The following TAOK3 variants were observed in gnomAD, a reference collection of about 807,000 sequenced individuals.
TAOK3 encodes serine/threonine-protein kinase TAO3.
In TAOK3, 40 loss-of-function variants were observed where a neutral mutation model predicts 120.4. That is an observed-to-expected ratio of 0.33 (90% confidence interval 0.26 to 0.43). The LOEUF (loss-of-function observed/expected upper bound fraction) is 0.43. Among genes scored for constraint, TAOK3 ranks in the 20% least tolerant of loss-of-function variants. The pLI is 1.00. For missense variants in TAOK3, 821 were observed against 1,112.1 expected, an observed-to-expected ratio of 0.74 and a Z score of 3.72; for synonymous variants, 355 against 387.5, an observed-to-expected ratio of 0.92 and a Z score of 0.99.
intron 1 of TAOK3, among the ~76,000 whole-genome samples, chr12:118,304,251 G>A (rs2042973678): frequency 6.6e-6 from 1 of 152,134 alleles, no homozygotes; most frequent in Non-Finnish European, 1.5e-5. Context: ...AAATTCCACT[G>A]AAGAAAACTA....
chr12:118,195,538 C>T (rs1482909994), intron 13 of TAOK3, among the ~76,000 whole-genome samples: 1 of 151,988 alleles, frequency 6.6e-6, no homozygotes, highest in African/African-American at 2.4e-5. Flanking sequence ...CAATTTAGTT[C>T]ACAGAACATT....
At chr12:118,183,523 C>T (rs980086898) in intron 14 of TAOK3, among the ~76,000 whole-genome samples, 2 of 152,034 alleles carry the variant, frequency 1.3e-5, no homozygotes, top group East Asian at 3.9e-4. Context: ...AATAAATGAT[C>T]TATTTTATTA....
intron 19 of TAOK3, among the ~76,000 whole-genome samples, chr12:118,159,347 G>A (rs2035063109): frequency 6.9e-6 from 1 of 145,348 alleles, no homozygotes; most frequent in African/African-American, 2.6e-5. Context: ...GTCTTGCTCT[G>A]TCACCCAGGC....
rs577638678 is a variant in TAOK3 at position 118,252,886 on chromosome 12, C to A, written c.120+2562G>T. ...AAGTACAGGCGTCCACCACCATGTC[C>A]GGCTAAGTTTTTCTATTTTTCAGTA... On this transcript the variant is annotated intron_variant, in intron 3 of 20. Transcript: ENST00000392533. Among the ~76,000 whole-genome samples, 17 of 152,004 alleles carry A rather than the reference C, an allele frequency of 1.1e-4. 1 individual carries two copies. In the South Asian group the frequency reaches 2.9e-3, roughly 26 times the overall value.
At chr12:118,328,378 A>C (rs2044016507) in intron 1 of TAOK3, among the ~76,000 whole-genome samples, 1 of 152,148 alleles carries the variant, frequency 6.6e-6, no homozygotes, top group South Asian at 2.1e-4. Context: ...TGAGTTCTTA[A>C]AATGACCAGA....
intron 1 of TAOK3, among the ~76,000 whole-genome samples, chr12:118,368,553 C>T (rs1363468807): frequency 6.8e-6 from 1 of 146,506 alleles, no homozygotes; most frequent in African/African-American, 2.5e-5. Flanking sequence ...CGCCTGTAAT[C>T]CCAGCACTTA....
rs2044512526 is a variant in TAOK3 at position 118,339,351 on chromosome 12, C to G, written c.-194+33297G>C. The stretch of plus-strand genomic sequence containing the variant: ...CCAGGCTGGAGTGCAATGGCGCGAT[C>G]TCGGCTCACCGCAACCTCCGCCTCC... On this transcript the variant is annotated intron_variant, in intron 1 of 20. Coordinates refer to ENST00000392533, the MANE Select transcript of TAOK3 (RefSeq NM_016281.4). 3.9e-5 allele frequency among the ~76,000 whole-genome samples: 5 copies of G among 129,168 alleles called. No homozygotes were observed. The Admixed American group carries it at 5.1e-4, about 13-fold the overall frequency. 84.7% of individuals were successfully genotyped at this position (129,168 alleles called of 152,430 possible). A position where few individuals can be genotyped will look rare whatever the true frequency, so the allele number is the denominator to read the frequency against.
chr12:118,301,300 A>G (rs1479703999), intron 1 of TAOK3, among the ~76,000 whole-genome samples: 5 of 152,222 alleles, frequency 3.3e-5, no homozygotes, highest in African/African-American at 1.2e-4. Flanking sequence ...ACATCAAGCA[A>G]AATAGTTAAG....
intron 1 of TAOK3, among the ~76,000 whole-genome samples, chr12:118,309,929 T>C (rs1470190731): frequency 6.6e-6 from 1 of 152,130 alleles, no homozygotes; most frequent in Non-Finnish European, 1.5e-5. Flanking sequence ...TTTACCATTT[T>C]CTTATTCTTT....
chr12:118,269,383 CTTT>C (rs1174725563), intron 1 of TAOK3, among the ~76,000 whole-genome samples: 59 of 103,878 alleles, frequency 5.7e-4, no homozygotes, highest in South Asian at 1.6e-3. Context: ...TCTCTCTCTT[CTTT>C]TTTTTTTTTT....
chr12:118,234,212 A>ATT (rs763473530), intron 8 of TAOK3, among the ~76,000 whole-genome samples: 1,173 of 58,312 alleles, frequency 0.02, 183 homozygotes, highest in African/African-American at 0.029. Flanking sequence ...AAAGCAGGAA[A>ATT]TTTTTTTTTT....
intron 1 of TAOK3, among the ~76,000 whole-genome samples, chr12:118,344,521 A>T (rs2044769732): frequency 6.6e-6 from 1 of 152,118 alleles, no homozygotes; most frequent in South Asian, 2.1e-4. Flanking sequence ...TGGTATCAAC[A>T]ATACCACTTT....
rs530122507 is a variant in TAOK3 at position 118,160,408 on chromosome 12, A to G, written c.2140-50T>C. The G allele has an allele frequency of 6.1e-6, 9 of 1,480,060 alleles. 1 individual carries two copies. In the South Asian group the frequency reaches 1.0e-4, roughly 17 times the overall value. The allele number at this position is 1,480,060 out of a possible 1,614,324, so 91.7% of individuals were successfully genotyped here. A position where few individuals can be genotyped will look rare whatever the true frequency, so the allele number is the denominator to read the frequency against. ...AAAATAAAGGCACATCAGTAAATAC[A>G]GAAAGCCTTCTACCATAATGATATA... On this transcript the variant is annotated intron_variant, in intron 18 of 20. Coordinates refer to ENST00000392533, the MANE Select transcript of TAOK3 (RefSeq NM_016281.4). The surrounding 1 kb of genome is among the most constrained non-coding windows in gnomAD (Gnocchi z 4.2).
intron 13 of TAOK3, among the ~76,000 whole-genome samples, chr12:118,195,734 T>C (rs2037683411): frequency 6.6e-6 from 1 of 152,178 alleles, no homozygotes; most frequent in Non-Finnish European, 1.5e-5. Flanking sequence ...TTTAGCCTTA[T>C]CAAATCATTC....
chr12:118,334,295 T>A (rs1042461827), intron 1 of TAOK3, among the ~76,000 whole-genome samples: 7 of 152,134 alleles, frequency 4.6e-5, no homozygotes, highest in African/African-American at 1.7e-4. Context: ...ATTATCCAAC[T>A]TTAAAAAAGG....
Position 118,244,929 on chromosome 12 carries a change from T to C in TAOK3, c.157A>G (p.Lys53Glu). 1 of 1,610,236 alleles carries C rather than the reference T, an allele frequency of 6.2e-7. No homozygotes were observed. The change falls in exon 4 of 21, where the codon AAG becomes GAG. Residue 53 changes from lysine to glutamate, a missense_variant. By Grantham distance (56) the Lys-to-Glu change is moderately conservative. Coordinates refer to ENST00000392533, the MANE Select transcript of TAOK3 (RefSeq NM_016281.4). ...NAHTSEVVAIKKMSYSGKQTH... is the reference protein window; with the variant it reads ...NAHTSEVVAIEKMSYSGKQTH... The stretch of plus-strand genomic sequence containing the variant: ...TGCTTCCCACTATAGGACATCTTCT[T>C]AATTGCCACCACCTCACTGGTGTGA...
At chr12:118,231,334 T>A (rs11068877) in intron 9 of TAOK3, among the ~76,000 whole-genome samples, 4,517 of 151,826 alleles carry the variant, frequency 0.03, 192 homozygotes, top group African/African-American at 0.093. Flanking sequence ...GCTACCTAAT[T>A]GAAAAAAATA....
intron 1 of TAOK3, among the ~76,000 whole-genome samples, chr12:118,313,315 T>C (rs2043329819): frequency 6.6e-6 from 1 of 152,094 alleles, no homozygotes; most frequent in African/African-American, 2.4e-5. Context: ...TTTGCTCTGT[T>C]GTCCAGGCTG....
rs2045942062 is a variant in TAOK3 at position 118,372,825 on chromosome 12, T to TCTC, written c.-374_-372dup. The TCTC allele has an allele frequency of 1.3e-5, 2 of 151,864 alleles. No individual in the cohort carries two copies. The highest frequency in any genetic ancestry group is 4.9e-5 in the African/African-American group (2 of 40,994). 9.4% of individuals were successfully genotyped at this position (151,864 alleles called of 1,614,324 possible). ...TCGCGGTCTCGGCGTTGCGTCCCAC[T>TCTC]CTCCACGCAGGACCCCGCCGCCCGG... On this transcript the variant is annotated 5_prime_UTR_variant, in exon 1 of 21. Transcript: ENST00000392533. The surrounding 1 kb of genome is among the most constrained non-coding windows in gnomAD (Gnocchi z 4.6).
Sources: allele counts gnomAD v4.1 joint callset (sites outside exome capture counted in the v4.1 genomes callset), GRCh38; gene constraint gnomAD v4.1.1; non-coding constraint Gnocchi (gnomAD v3.1); transcripts MANE v1.5; gene names NCBI Gene and HGNC (gene_info 2026-07-23, HGNC 2026-07-21).